Variants in VRK2 observed in about 807,000 individuals in gnomAD.
VRK2 encodes serine/threonine-protein kinase VRK2.
Under a neutral mutation model 57.6 loss-of-function variants are expected in VRK2, and 60 were observed. The ratio of observed to expected loss-of-function variants is 1.04; its 90% CI spans 0.85 to 1.29. The LOEUF is 1.29. Ranked by LOEUF, VRK2 falls within the 50% of genes most tolerant of loss-of-function variation. The probability of loss-of-function intolerance (pLI) is 0.00; values close to 1 mark genes in which losing one functional copy is unlikely to be tolerated. For missense variants in VRK2, 705 were observed against 588.1 expected (o/e 1.20, Z -2.06); for synonymous variants, 231 against 199.2 (o/e 1.16, Z -1.35).
intron 1 of VRK2, among the ~76,000 whole-genome samples, chr2:57,994,963 T>C (rs185418630): frequency 1.8e-4 from 28 of 152,322 alleles, no homozygotes; most frequent in African/African-American, 6.5e-4. Context: ...TTTGTTGTGA[T>C]ATCTTCCCTG....
intron 1 of VRK2, among the ~76,000 whole-genome samples, chr2:57,927,807 C>T (rs1167106516): frequency 1.3e-5 from 2 of 152,134 alleles, no homozygotes; most frequent in Non-Finnish European, 2.9e-5. Context: ...TTCACTGGAT[C>T]TATAATTCTA....
intron 2 of VRK2, among the ~76,000 whole-genome samples, chr2:58,063,443 C>T (rs1185792893): frequency 6.6e-6 from 1 of 151,682 alleles, no homozygotes; most frequent in African/African-American, 2.4e-5. Context: ...CCCTGAATAC[C>T]CTGACTTGGT....
chr2:57,993,743 G>T (rs1270992372), intron 1 of VRK2, among the ~76,000 whole-genome samples: 4 of 152,128 alleles, frequency 2.6e-5, no homozygotes, highest in Admixed American at 1.3e-4. Flanking sequence ...TTCTCTTTAG[G>T]GGGCTGAGAT....
At chr2:57,947,219 T>C (rs1025197085) in intron 1 of VRK2, among the ~76,000 whole-genome samples, 13 of 152,294 alleles carry the variant, frequency 8.5e-5, no homozygotes, top group East Asian at 1.9e-4. Context: ...GAGGTCATGA[T>C]TTTGTGAAGA....
chr2:58,139,972 C>A, intron 11 of VRK2, 140 bp downstream of exon 11: 2 of 864,012 alleles, frequency 2.3e-6, no homozygotes, highest in Non-Finnish European at 3.4e-6. Flanking sequence ...AACTCAGCAC[C>A]AAGAAAGTTT....
At chr2:58,054,321 A>G (rs932325697) in intron 2 of VRK2, among the ~76,000 whole-genome samples, 2 of 151,724 alleles carry the variant, frequency 1.3e-5, no homozygotes, top group Non-Finnish European at 2.9e-5. Flanking sequence ...TCTATTCTTC[A>G]GTGCATTTAT....
intron 1 of VRK2, among the ~76,000 whole-genome samples, chr2:57,920,704 G>T (rs1670313167): frequency 1.3e-5 from 2 of 151,980 alleles, no homozygotes; most frequent in Admixed American, 6.6e-5. Context: ...CCTTCTCTTA[G>T]CACTTTTTAA....
Position 58,159,503 on chromosome 2 carries a change from G to C in VRK2, c.1337G>C (p.Arg446Thr). Reference sequence around the variant, plus strand: ...AGTCCAGATATATTCAAGAAGTCAAGATCTCCATCTTGGTATAAATACACT... The same window carrying C: ...AGTCCAGATATATTCAAGAAGTCAACATCTCCATCTTGGTATAAATACACT... Reference protein sequence around the residue: ...FTSPDIFKKSRSPSWYKYTST... With the variant: ...FTSPDIFKKSTSPSWYKYTST... Residue 446 changes from arginine (R) to threonine (T), a missense_variant, in exon 13 of 13, where the codon AGA becomes ACA. Arg to Thr is a moderately conservative substitution (Grantham distance 71). Transcript: ENST00000340157. 1 of 1,613,654 alleles carries C rather than the reference G, an allele frequency of 6.2e-7. No individual in the cohort carries two copies. Among genetic ancestry groups the C allele is most frequent in the African/African-American group, 1.3e-5 (1 of 74,988 alleles).
In VRK2 at chr2:58,123,121, ACTT is replaced by A; in HGVS notation, c.565_567del (p.Leu189del). 1 of 1,600,464 alleles carries A rather than the reference ACTT, an allele frequency of 6.2e-7. No homozygotes were observed. The highest frequency in any genetic ancestry group is 1.1e-5 in the South Asian group (1 of 87,986). Reference sequence around the variant, plus strand: ...TCCAGGTTTATCTTGCAGATTATGGACTTTCCTACAGATATTGTCCCAATGGGA... The same window carrying A: ...TCCAGGTTTATCTTGCAGATTATGGATCCTACAGATATTGTCCCAATGGGA... On this transcript the variant is annotated inframe_deletion, in exon 8 of 13. Transcript: ENST00000340157.
rs1240769854 is a variant in VRK2, at chr2:58,084,898, C to T, written c.204C>T (p.Gly68=). The change falls in exon 4 of 13, where the codon GGC becomes GGT. Residue 68 remains glycine, a synonymous_variant. Transcript: ENST00000340157. The part of the protein sequence containing the change: ...HVVKVEYQEN[G]PLFSELKFYQ... ...TTTTATAGGAATATCAAGAAAATGG[C>T]CCGTTATTTTCAGAACTTAAATTTT... The T allele has an allele frequency of 2.5e-6, 4 of 1,579,676 alleles. No individual in the cohort carries two copies. The South Asian group carries it at 4.7e-5, about 19-fold the overall frequency.
At chr2:58,095,280 C>T (rs1490160560) in intron 7 of VRK2, among the ~76,000 whole-genome samples, 17 of 139,308 alleles carry the variant, frequency 1.2e-4, no homozygotes, top group South Asian at 2.2e-4. Flanking sequence ...GGTGACAGAG[C>T]GAGACTCCGT....
At chr2:58,028,908 ATATAT>A (rs1558548539) in intron 2 of VRK2, among the ~76,000 whole-genome samples, 192 of 37,432 alleles carry the variant, frequency 5.1e-3, no homozygotes, top group African/African-American at 7.2e-3. Context: ...AAATAAATAT[ATATAT>A]ATATATATAT....
chr2:57,945,835 A>G (rs2103966360), intron 1 of VRK2, among the ~76,000 whole-genome samples: 1 of 152,314 alleles, frequency 6.6e-6, no homozygotes, highest in East Asian at 1.9e-4. Context: ...GATTTTGGTT[A>G]GGAAATGTAG....
intron 11 of VRK2, among the ~76,000 whole-genome samples, chr2:58,141,490 G>C (rs1681327188): frequency 6.6e-6 from 1 of 151,830 alleles, no homozygotes; most frequent in Admixed American, 6.6e-5. Flanking sequence ...TTTTGATTAT[G>C]AGTAAAAAAA....
rs188544580 is a variant in VRK2, at chr2:58,007,506, T to G, written c.-438-18159T>G. On this transcript the variant is annotated intron_variant, in intron 1 of 15. Transcript: ENST00000417641. ...TGACAAGGATAAAGGCATATGACAATCTACTTCCACATAATAAATACTAAA... is the reference window on the plus strand; with the variant it reads ...TGACAAGGATAAAGGCATATGACAAGCTACTTCCACATAATAAATACTAAA... Among the ~76,000 whole-genome samples the G allele has an allele frequency of 4.6e-5, 7 of 152,124 alleles. No homozygotes were observed. The East Asian group carries it at 1.2e-3, about 25-fold the overall frequency.
intron 11 of VRK2, among the ~76,000 whole-genome samples, chr2:58,142,324 G>GTT (rs779486131): frequency 1.1e-4 from 15 of 141,590 alleles, no homozygotes; most frequent in African/African-American, 2.3e-4. Context: ...AAAAGAAAAA[G>GTT]TTTTTTTTTT....
At chr2:57,975,059 T>C (rs1054129326) in intron 1 of VRK2, among the ~76,000 whole-genome samples, 4 of 152,014 alleles carry the variant, frequency 2.6e-5, no homozygotes, top group African/African-American at 9.7e-5. Context: ...TTACATGTTA[T>C]TTATTATGTT....
At chr2:58,050,959 C>T (rs910537727) in intron 2 of VRK2, among the ~76,000 whole-genome samples, 2 of 152,104 alleles carry the variant, frequency 1.3e-5, no homozygotes, top group African/African-American at 4.8e-5. Context: ...ATTCTCATGC[C>T]TCAACCTCCC....
intron 8 of VRK2, among the ~76,000 whole-genome samples, chr2:58,124,316 A>C (rs1157468807): frequency 6.6e-6 from 1 of 152,248 alleles, no homozygotes; most frequent in African/African-American, 2.4e-5. Context: ...TGCTTTGTTC[A>C]CAATCAATAT....
Sources: gnomAD v4.1 joint callset for allele counts (sites outside exome capture counted in the v4.1 genomes callset) on GRCh38, gnomAD v4.1.1 for gene constraint, MANE v1.5 for transcripts, NCBI Gene and HGNC (gene_info 2026-07-23, HGNC 2026-07-21) for gene names.